The following CLYBL variants were observed in gnomAD, a reference collection of about 807,000 sequenced individuals.
The protein encoded by CLYBL is citramalyl-CoA lyase, mitochondrial.
In CLYBL, 31 loss-of-function variants were observed where a neutral mutation model predicts 38.9. The observed-to-expected ratio is 0.80, with a 90% CI of 0.60 to 1.08. The LOEUF is 1.08. Ranked by LOEUF, CLYBL falls within the 50% of genes least tolerant of loss-of-function variation. The pLI is 0.00. For missense variants in CLYBL, 434 were observed against 411.6 expected, an observed-to-expected ratio of 1.05 and a Z score of -0.47; for synonymous variants, 171 against 158.6, an observed-to-expected ratio of 1.08 and a Z score of -0.59.
intron 1 of CLYBL, among the ~76,000 whole-genome samples, chr13:99,629,684 A>G (rs2046916492): frequency 6.6e-6 from 1 of 152,150 alleles, no homozygotes; most frequent in Non-Finnish European, 1.5e-5. Flanking sequence ...CTTCATCTCA[A>G]AGACTGTTTC....
intron 1 of CLYBL, among the ~76,000 whole-genome samples, chr13:99,717,354 A>G (rs1255422064): frequency 7.0e-6 from 1 of 143,064 alleles, no homozygotes; most frequent in Non-Finnish European, 1.5e-5. Flanking sequence ...AGAACCCAGG[A>G]GGCAGAAGTT....
intron 2 of CLYBL, among the ~76,000 whole-genome samples, chr13:99,846,146 C>T (rs1212955487): frequency 6.6e-6 from 1 of 151,908 alleles, no homozygotes; most frequent in African/African-American, 2.4e-5. Context: ...AAGACCCTGT[C>T]TCTACAAAAT....
chr13:99,719,706 C>T (rs2139523103), intron 1 of CLYBL, among the ~76,000 whole-genome samples: 1 of 152,134 alleles, frequency 6.6e-6, no homozygotes, highest in East Asian at 1.9e-4. Flanking sequence ...TGGGGTTTCA[C>T]TACGTTGGCC....
chr13:99,787,258 C>T (rs1594182849), intron 2 of CLYBL, among the ~76,000 whole-genome samples: 1 of 152,200 alleles, frequency 6.6e-6, no homozygotes, highest in East Asian at 1.9e-4. Flanking sequence ...GTGTTTTAGA[C>T]ATGAAGTCCT....
At chr13:99,695,191 A>G (rs745578321) in intron 1 of CLYBL, among the ~76,000 whole-genome samples, 12 of 152,198 alleles carry the variant, frequency 7.9e-5, no homozygotes, top group Admixed American at 1.3e-4. Flanking sequence ...GAGCTGGGGC[A>G]TGGAGGAACC....
At position 99,869,071 on chromosome 13, in the gene CLYBL, C is replaced by T. The variant is rs1242869581; in HGVS notation, c.803-1867C>T. ...AAATATTTGCCTGGTTCCCACATGC[C>T]ATTAAAGTCTGCTATACAGTTGTTG... On this transcript the variant is annotated intron_variant, in intron 6 of 8. Coordinates refer to ENST00000339105, the MANE Select transcript of CLYBL (RefSeq NM_206808.5). This position sits in a 1 kb window ranked among gnomAD's most constrained non-coding sequence, Gnocchi z 4.3. Among the ~76,000 whole-genome samples, 1 of 152,108 alleles carries T rather than the reference C, an allele frequency of 6.6e-6. No homozygotes were observed. Among genetic ancestry groups the T allele is most frequent in the Non-Finnish European group, 1.5e-5 (1 of 68,008 alleles).
At chr13:99,861,359 T>C (rs145802548) in intron 3 of CLYBL, among the ~76,000 whole-genome samples, 2 of 152,226 alleles carry the variant, frequency 1.3e-5, no homozygotes, top group East Asian at 1.9e-4. Context: ...GTTGACTTGG[T>C]TTTAAAGTCC....
At position 99,674,641 on chromosome 13, in the gene CLYBL, G is replaced by A. The variant is rs192783214; in HGVS notation, c.62+67884G>A. Among the ~76,000 whole-genome samples, 402 of 152,240 alleles carry A rather than the reference G, an allele frequency of 2.6e-3. 3 individuals are homozygous for A. Among genetic ancestry groups the A allele is most frequent in the South Asian group, 6.6e-3 (32 of 4,820 alleles). ...TTCCCCACGAAGACCTCAGCCCAAG[G>A]CAACCACTAATCTATTTTCTGTCTT... On this transcript the variant is annotated intron_variant, in intron 1 of 8. Coordinates refer to ENST00000339105, the MANE Select transcript of CLYBL (RefSeq NM_206808.5).
intron 1 of CLYBL, among the ~76,000 whole-genome samples, chr13:99,746,287 T>G (rs1309134235): frequency 6.6e-6 from 1 of 152,126 alleles, no homozygotes; most frequent in Non-Finnish European, 1.5e-5. Flanking sequence ...CTGATCTTTT[T>G]AGTTCACATT....
intron 2 of CLYBL, among the ~76,000 whole-genome samples, chr13:99,846,899 C>T (rs2051218492): frequency 6.6e-6 from 1 of 152,206 alleles, no homozygotes; most frequent in Non-Finnish European, 1.5e-5. Context: ...ATCCTCATAC[C>T]TGCCCAACTC....
At chr13:99,677,739 A>G (rs988910542) in intron 1 of CLYBL, among the ~76,000 whole-genome samples, 5 of 152,242 alleles carry the variant, frequency 3.3e-5, no homozygotes, top group Non-Finnish European at 7.3e-5. Context: ...TCATGTTTTC[A>G]TGCTGAATAT....
At chr13:99,881,424 A>G (rs1215129202) in intron 7 of CLYBL, among the ~76,000 whole-genome samples, 1 of 152,006 alleles carries the variant, frequency 6.6e-6, no homozygotes, top group Admixed American at 6.6e-5. Context: ...TCTTCCTGAC[A>G]GTTGTTTATT....
chr13:99,763,222 A>G (rs759225790), intron 1 of CLYBL, among the ~76,000 whole-genome samples: 4 of 152,198 alleles, frequency 2.6e-5, no homozygotes, highest in Non-Finnish European at 4.4e-5. Flanking sequence ...ACAAGTGGCA[A>G]AAGTGGGTAT....
intron 9 of CLYBL, among the ~76,000 whole-genome samples, chr13:99,908,021 A>T (rs747920036): frequency 1.3e-5 from 2 of 152,194 alleles, no homozygotes; most frequent in African/African-American, 2.4e-5. Flanking sequence ...TTGGCAAAAA[A>T]GTAACCTGAG....
intron 1 of CLYBL, among the ~76,000 whole-genome samples, chr13:99,754,523 A>G (rs2049020927): frequency 6.6e-6 from 1 of 151,294 alleles, no homozygotes; most frequent in Admixed American, 6.6e-5. Flanking sequence ...AGTCTCCGAA[A>G]TAGCTGGGAC....
intron 1 of CLYBL, among the ~76,000 whole-genome samples, chr13:99,761,222 G>A (rs1283088616): frequency 1.3e-5 from 2 of 152,088 alleles, no homozygotes; most frequent in African/African-American, 4.8e-5. Context: ...GCGTGGTGGC[G>A]GGTGCCTGTA....
chr13:99,744,378 AG>A, intron 1 of CLYBL, among the ~76,000 whole-genome samples: 1 of 152,294 alleles, frequency 6.6e-6, no homozygotes, highest in South Asian at 2.1e-4. Flanking sequence ...CTGTAGTGTG[AG>A]GGAAAAGTTC....
At chr13:99,708,747 C>T (rs989493765) in intron 1 of CLYBL, among the ~76,000 whole-genome samples, 3 of 152,118 alleles carry the variant, frequency 2.0e-5, no homozygotes, top group Admixed American at 2.0e-4. Context: ...ACCACAGGTA[C>T]TCAGAATGTG....
chr13:99,796,350 A>G (rs1402369810), intron 2 of CLYBL, among the ~76,000 whole-genome samples: 1 of 152,094 alleles, frequency 6.6e-6, no homozygotes, highest in African/African-American at 2.4e-5. Flanking sequence ...GTTCCCCACC[A>G]TAGTTCCTTC....
Sources: gnomAD v4.1 joint callset for allele counts (sites outside exome capture counted in the v4.1 genomes callset) on GRCh38, gnomAD v4.1.1 for gene constraint, Gnocchi (gnomAD v3.1) non-coding constraint, MANE v1.5 for transcripts, NCBI Gene and HGNC (gene_info 2026-07-23, HGNC 2026-07-21) for gene names.